Variants in COL9A1 observed in about 807,000 individuals in gnomAD.
COL9A1 encodes the protein collagen type IX alpha 1 chain.
A neutral mutation model predicts 142.6 loss-of-function variants in COL9A1; 104 were observed. That is an observed-to-expected ratio of 0.73 (90% CI 0.62 to 0.86). The LOEUF (loss-of-function observed/expected upper bound fraction) is 0.86. Among genes scored for constraint, COL9A1 ranks in the 40% least tolerant of loss-of-function variants. COL9A1 has a pLI of 0.00. For synonymous variants in COL9A1, 466 were observed against 396.0 expected, an observed-to-expected ratio of 1.18 and a Z score of -2.10; for missense variants, 1,210 against 1,176.6, an observed-to-expected ratio of 1.03 and a Z score of -0.42.
intron 30 of COL9A1, 120 bp from the exon 31 acceptor site, chr6:70,241,574 C>A: frequency 1.2e-6 from 1 of 819,154 alleles, no homozygotes; most frequent in Non-Finnish European, 2.1e-6. Flanking sequence ...AGAGGACGTT[C>A]CCACTCCTCA....
chr6:70,296,228 T>C (rs909748456), intron 4 of COL9A1, among the ~76,000 whole-genome samples: 1 of 152,214 alleles, frequency 6.6e-6, no homozygotes, highest in Non-Finnish European at 1.5e-5. Flanking sequence ...TGAATACTCT[T>C]TCATCATAGA....
intron 6 of COL9A1, chr6:70,283,175 C>T: frequency 1.3e-6 from 2 of 1,499,422 alleles, no homozygotes; most frequent in South Asian, 1.3e-5. Flanking sequence ...CCGGGAGTAG[C>T]GGTTGCCAAA....
chr6:70,267,755 A>G (rs953525867), intron 17 of COL9A1, among the ~76,000 whole-genome samples: 4 of 152,202 alleles, frequency 2.6e-5, no homozygotes, highest in Admixed American at 2.0e-4. Flanking sequence ...GTAACAGGAG[A>G]CAAAACTGTG....
At position 70,267,319 on chromosome 6, in the gene COL9A1, G is replaced by GTTTTTTTTTTT. The variant is rs1050364230; in HGVS notation, c.1288-550_1288-549insAAAAAAAAAAA. Among the ~76,000 whole-genome samples, 441 of 99,470 alleles carry GTTTTTTTTTTT rather than the reference G, an allele frequency of 4.4e-3. 11 individuals are homozygous for GTTTTTTTTTTT. The highest frequency in any genetic ancestry group is 6.3e-3 in the African/African-American group (154 of 24,576). 65.3% of individuals were successfully genotyped at this position (99,470 alleles called of 152,430 possible). On this transcript the variant is annotated intron_variant, in intron 17 of 37. Transcript: ENST00000357250. ...TACATTTTTTGTTGTTGTTTGTTTG[G>GTTTTTTTTTTT]TTTTTTTGTTTTTTTTTTTTGAGAT... is the stretch of plus-strand genomic sequence containing the variant.
intron 12 of COL9A1, among the ~76,000 whole-genome samples, 182 bp from the exon 13 acceptor site, chr6:70,272,270 A>C (rs1772455220): frequency 6.6e-6 from 1 of 152,102 alleles, no homozygotes; most frequent in Non-Finnish European, 1.5e-5. Context: ...GCAGAAGCTT[A>C]TTTCAGCTCC....
intron 5 of COL9A1, among the ~76,000 whole-genome samples, chr6:70,289,841 C>T (rs1773592008): frequency 6.6e-6 from 1 of 152,156 alleles, no homozygotes; most frequent in Non-Finnish European, 1.5e-5. Flanking sequence ...ATCACAGCCT[C>T]ATAATTTATT....
rs1252797854 is a variant in COL9A1 at position 70,270,219 on chromosome 6, G to T, written c.1197+95C>A. ...AGCCGTTTTGGAAATTTGGGACAAT[G>T]ACTCAATTAATAGGAACTTCCATTT... On this transcript the variant is annotated intron_variant, in intron 15 of 37. Transcript: ENST00000357250. 82 of 1,256,854 alleles carry T rather than the reference G, an allele frequency of 6.5e-5. No homozygotes were observed. In the Admixed American group the frequency reaches 1.3e-3, roughly 21 times the overall value. The allele number at this position is 1,256,854 out of a possible 1,614,324, so 77.9% of individuals were successfully genotyped here. A position where few individuals can be genotyped will look rare whatever the true frequency, so the allele number is the denominator to read the frequency against.
chr6:70,284,396 T>C (rs1309515183), intron 5 of COL9A1, among the ~76,000 whole-genome samples: 1 of 152,152 alleles, frequency 6.6e-6, no homozygotes, highest in Non-Finnish European at 1.5e-5. Flanking sequence ...AATGGAAATG[T>C]AAGGACTGAA....
intron 28 of COL9A1, among the ~76,000 whole-genome samples, chr6:70,243,188 T>G (rs898490514): frequency 1.3e-5 from 2 of 152,250 alleles, no homozygotes; most frequent in Non-Finnish European, 2.9e-5. Context: ...TAGATATGTT[T>G]GCCTTTAAAT....
chr6:70,228,885 A>G (rs888803358), intron 36 of COL9A1, among the ~76,000 whole-genome samples: 2 of 152,172 alleles, frequency 1.3e-5, no homozygotes, highest in Admixed American at 6.5e-5. Context: ...CTTATAAACT[A>G]ATGGCATAAG....
chr6:70,256,960 G>A, intron 20 of COL9A1, 139 bp from the exon 21 acceptor site: 1 of 675,850 alleles, frequency 1.5e-6, no homozygotes, highest in Non-Finnish European at 2.5e-6. Context: ...TCCCTGAGGA[G>A]TAATTACTCA....
rs545874453 is a variant in COL9A1, at chr6:70,218,983, G to A, written c.2582-1902C>T. 2.6e-5 allele frequency among the ~76,000 whole-genome samples: 4 copies of A among 152,246 alleles called. No individual in the cohort carries two copies. The South Asian group carries it at 8.3e-4, about 32-fold the overall frequency. ...ACTTTCATTCAACTATACCTAGTAA[G>A]TATGAAGCAGATCATTATGTGTTTT... On this transcript the variant is annotated intron_variant, in intron 37 of 37. Coordinates refer to ENST00000357250, the MANE Select transcript of COL9A1 (RefSeq NM_001851.6).
chr6:70,221,629 C>G (rs1242014564), intron 37 of COL9A1, among the ~76,000 whole-genome samples: 42 of 152,184 alleles, frequency 2.8e-4, no homozygotes. Flanking sequence ...CTACAACTTC[C>G]ATGTCCAAGA....
chr6:70,299,472 C>T (rs913679142), intron 4 of COL9A1, among the ~76,000 whole-genome samples: 1 of 152,038 alleles, frequency 6.6e-6, no homozygotes, highest in South Asian at 2.1e-4. Context: ...CACTAAAGTA[C>T]CTCAGTTTTA....
intron 37 of COL9A1, among the ~76,000 whole-genome samples, chr6:70,224,894 G>GT (rs3842609): frequency 6.6e-6 from 1 of 152,062 alleles, no homozygotes; most frequent in Non-Finnish European, 1.5e-5. Flanking sequence ...AAACATTCAT[G>GT]TTTTTTTAAA....
intron 15 of COL9A1, 95 bp from the exon 16 acceptor site, chr6:70,269,760 A>G (rs1772271827): frequency 1.3e-6 from 1 of 758,960 alleles, no homozygotes; most frequent in Non-Finnish European, 2.3e-6. Flanking sequence ...AGTATAAAAT[A>G]TATTTGTTTA....
chr6:70,217,151 G>A lies in COL9A1; in HGVS notation c.2582-70C>T, dbSNP rs554434490. The A allele has an allele frequency of 4.1e-6, 6 of 1,464,812 alleles. No homozygotes were observed. In the South Asian group the frequency reaches 6.9e-5, roughly 17 times the overall value. 90.7% of individuals were successfully genotyped at this position (1,464,812 alleles called of 1,614,324 possible). A position where few individuals can be genotyped will look rare whatever the true frequency, so the allele number is the denominator to read the frequency against. ...TTGATGCAAACTGGCAGAGGGCATGGCTCAGCAGCGCTCAGATAAGGGGTT... is the reference window on the plus strand; with the variant it reads ...TTGATGCAAACTGGCAGAGGGCATGACTCAGCAGCGCTCAGATAAGGGGTT... On this transcript the variant is annotated intron_variant, in intron 37 of 37. Coordinates refer to ENST00000357250, the MANE Select transcript of COL9A1 (RefSeq NM_001851.6).
Position 70,269,641 on chromosome 6 carries a change from C to T in COL9A1, c.1222G>A (p.Asp408Asn). The change falls in exon 16 of 38, where the codon GAT (aspartate) becomes AAT (asparagine). Residue 408 changes from aspartate to asparagine, a missense_variant. By Grantham distance (23) the Asp-to-Asn change is conservative. Coordinates refer to ENST00000357250, the MANE Select transcript of COL9A1 (RefSeq NM_001851.6). ...AAAGGAAAGCATCTTACCAATGGAT[C>T]TCCATCATGAAAGCCAATTGTTCCC... ...PRGTIGFHDG[D>N]PLCPNACPPG... 6.3e-7 allele frequency: 1 copy of T among 1,591,868 alleles called. No homozygotes were observed. Among genetic ancestry groups the T allele is most frequent in the Non-Finnish European group, 8.6e-7 (1 of 1,159,702 alleles).
At chr6:70,269,483 C>A in intron 16 of COL9A1, 150 bp downstream of exon 16, 1 of 632,286 alleles carries the variant, frequency 1.6e-6, no homozygotes, top group East Asian at 2.7e-5. Context: ...AGCCACTAGT[C>A]CACTAGCGTT....
Sources: gnomAD v4.1 joint callset for allele counts (sites outside exome capture counted in the v4.1 genomes callset) on GRCh38, gnomAD v4.1.1 for gene constraint, MANE v1.5 for transcripts, NCBI Gene and HGNC (gene_info 2026-07-23, HGNC 2026-07-21) for gene names.